Variants in FUT8 observed in about 807,000 individuals in gnomAD.
FUT8 encodes the protein fucosyltransferase 8, also known as alpha-(1,6)-fucosyltransferase.
In FUT8, 29 loss-of-function variants were observed where a neutral mutation model predicts 71.3. That is an observed-to-expected ratio of 0.41 (90% confidence interval 0.30 to 0.55). The LOEUF is 0.55. Among genes scored for constraint, FUT8 ranks in the 20% least tolerant of loss-of-function variants. The pLI is 0.34. For missense variants in FUT8, 544 were observed against 702.1 expected, an observed-to-expected ratio of 0.77 and a Z score of 2.55; for synonymous variants, 254 against 239.3, an observed-to-expected ratio of 1.06 and a Z score of -0.57.
chr14:65,706,897 T>C lies in FUT8; in HGVS notation c.836-14878T>C, dbSNP rs150442656. ...AATCAGTAATAACCATATTAATTCA[T>C]GTTGAACGGGGCTAGTTTGTACTGA... On this transcript the variant is annotated intron_variant, in intron 7 of 10. Coordinates refer to ENST00000673929, the MANE Select transcript of FUT8 (RefSeq NM_001371533.1). Among the ~76,000 whole-genome samples the C allele has an allele frequency of 5.0e-3, 766 of 152,258 alleles. 7 individuals carry two copies. The highest frequency in any genetic ancestry group is 0.018 in the African/African-American group (732 of 41,536).
At chr14:65,696,539 G>GT (rs1894007181) in intron 7 of FUT8, among the ~76,000 whole-genome samples, 1 of 152,006 alleles carries the variant, frequency 6.6e-6, no homozygotes, top group Middle Eastern at 3.4e-3. Context: ...TTTCTTTGGG[G>GT]TTTTTTGTTG....
intron 2 of FUT8, among the ~76,000 whole-genome samples, chr14:65,522,783 G>T (rs1000928766): frequency 7.2e-6 from 1 of 139,362 alleles, no homozygotes; most frequent in African/African-American, 2.7e-5. Flanking sequence ...CCAAGTGTTC[G>T]CATTGTTCGG....
intron 2 of FUT8, among the ~76,000 whole-genome samples, chr14:65,531,033 T>C (rs997802059): frequency 2.0e-5 from 3 of 149,874 alleles, no homozygotes; most frequent in East Asian, 2.0e-4. Context: ...TAGTAAAATA[T>C]GGTGTTTAAG....
intron 3 of FUT8, among the ~76,000 whole-genome samples, chr14:65,589,425 G>A (rs1167268151): frequency 6.6e-6 from 1 of 150,884 alleles, no homozygotes; most frequent in African/African-American, 2.4e-5. Flanking sequence ...TGCTTGTCAA[G>A]GGCCTTGCCT....
At chr14:65,524,750 C>T (rs1020352385) in intron 2 of FUT8, among the ~76,000 whole-genome samples, 11 of 152,070 alleles carry the variant, frequency 7.2e-5, no homozygotes, top group African/African-American at 2.7e-4. Flanking sequence ...TAAGTCCCAT[C>T]AATATCTAAT....
intron 7 of FUT8, among the ~76,000 whole-genome samples, chr14:65,715,292 C>G (rs566824489): frequency 2.0e-5 from 3 of 152,236 alleles, no homozygotes; most frequent in Non-Finnish European, 2.9e-5. Context: ...ATGAAGAGAT[C>G]TTGAATTTTA....
chr14:65,577,799 C>T (rs973512699), intron 3 of FUT8, among the ~76,000 whole-genome samples: 1 of 151,962 alleles, frequency 6.6e-6, no homozygotes, highest in Non-Finnish European at 1.5e-5. Context: ...TTTATTGAAA[C>T]AGAATAGTTA....
chr14:65,617,648 A>G (rs920519472), intron 5 of FUT8, among the ~76,000 whole-genome samples: 1 of 152,144 alleles, frequency 6.6e-6, no homozygotes, highest in Admixed American at 6.6e-5. Flanking sequence ...TTTAATTTTA[A>G]GATTTGAGTA....
intron 1 of FUT8, among the ~76,000 whole-genome samples, chr14:65,439,956 A>ATATATATATATG (rs2065622717): frequency 3.3e-5 from 1 of 30,672 alleles, no homozygotes; most frequent in East Asian, 1.7e-3. Context: ...GTGTGTGTGT[A>ATATATATATATG]TATATATATA....
Position 65,467,181 on chromosome 14 carries a change from C to T in FUT8, c.-228+11463C>T, listed in dbSNP as rs952153442. On this transcript the variant is annotated intron_variant, in intron 2 of 10. Transcript: ENST00000673929. The surrounding 1 kb of genome is among the most constrained non-coding windows in gnomAD (Gnocchi z 4.1). ...CATGTTTATTGGGTTTCATTTCTCC[C>T]AGTTTTTATTTCAGAAAGTCTTTAT... Among the ~76,000 whole-genome samples, 9 of 152,184 alleles carry T rather than the reference C, an allele frequency of 5.9e-5. No homozygotes were observed. The highest frequency in any genetic ancestry group is 2.2e-4 in the African/African-American group (9 of 41,540).
intron 2 of FUT8, among the ~76,000 whole-genome samples, chr14:65,546,662 C>T (rs978959318): frequency 6.6e-6 from 1 of 151,786 alleles, no homozygotes; most frequent in African/African-American, 2.4e-5. Flanking sequence ...TATGGACATA[C>T]ATCTTAAGTT....
intron 2 of FUT8, among the ~76,000 whole-genome samples, chr14:65,458,614 T>C (rs2065928777): frequency 2.0e-5 from 3 of 152,224 alleles, no homozygotes; most frequent in African/African-American, 7.2e-5. Flanking sequence ...CTCTAGCTTC[T>C]AAGCCTGGAC....
chr14:65,688,145 A>G (rs562487726), intron 7 of FUT8, among the ~76,000 whole-genome samples: 1 of 152,142 alleles, frequency 6.6e-6, no homozygotes, highest in Non-Finnish European at 1.5e-5. Flanking sequence ...GTGCTGTACA[A>G]TTCTCTTGCT....
At chr14:65,416,178 G>A (rs1379618499) in intron 1 of FUT8, among the ~76,000 whole-genome samples, 3 of 151,824 alleles carry the variant, frequency 2.0e-5, no homozygotes, top group Non-Finnish European at 4.4e-5. Flanking sequence ...TCATATTATA[G>A]CAAATTGATA....
At chr14:65,568,484 C>A (rs187354611) in intron 3 of FUT8, among the ~76,000 whole-genome samples, 34 of 151,074 alleles carry the variant, frequency 2.3e-4, no homozygotes, top group African/African-American at 8.2e-4. Flanking sequence ...CTATTTTTGT[C>A]ATTAATTTAA....
intron 2 of FUT8, among the ~76,000 whole-genome samples, chr14:65,542,166 G>A (rs149621965): frequency 2.0e-5 from 3 of 152,148 alleles, no homozygotes; most frequent in East Asian, 1.9e-4. Flanking sequence ...AAATGTAATC[G>A]TTATTATTAT....
At chr14:65,692,090 A>C (rs1408544620) in intron 7 of FUT8, among the ~76,000 whole-genome samples, 2 of 150,778 alleles carry the variant, frequency 1.3e-5, no homozygotes, top group Non-Finnish European at 3.0e-5. Flanking sequence ...CATTGTCATC[A>C]TGGCCCGTTC....
chr14:65,479,518 A>T (rs1458981466), intron 2 of FUT8, among the ~76,000 whole-genome samples: 1 of 151,888 alleles, frequency 6.6e-6, no homozygotes, highest in East Asian at 1.9e-4. Context: ...ATTTTCCATA[A>T]TTTACTGATG....
chr14:65,713,250 T>C (rs1198054754), intron 7 of FUT8, among the ~76,000 whole-genome samples: 4 of 152,370 alleles, frequency 2.6e-5, no homozygotes, highest in South Asian at 2.1e-4. Context: ...TTCTTTTTTA[T>C]GGCTGAATAG....
Sources: gnomAD v4.1 joint callset for allele counts (sites outside exome capture counted in the v4.1 genomes callset) on GRCh38, gnomAD v4.1.1 for gene constraint, Gnocchi (gnomAD v3.1) non-coding constraint, MANE v1.5 for transcripts, NCBI Gene and HGNC (gene_info 2026-07-23, HGNC 2026-07-21) for gene names.